The following SPATS2 variants were observed in gnomAD, a reference collection of about 807,000 sequenced individuals.
SPATS2 encodes spermatogenesis associated serine rich 2.
In SPATS2, 38 loss-of-function variants were observed where a neutral mutation model predicts 63.7. The observed-to-expected ratio is 0.60, with a 90% CI of 0.46 to 0.78. The LOEUF (loss-of-function observed/expected upper bound fraction) is 0.78, where lower values mean the gene tolerates loss of function less well. SPATS2 is among the 30% of genes least tolerant of loss of function. The probability of loss-of-function intolerance (pLI) is 0.00; values close to 1 mark genes in which losing one functional copy is unlikely to be tolerated. For synonymous variants in SPATS2, 207 were observed against 232.9 expected (o/e 0.89, Z 1.01); for missense variants, 588 against 666.2 (o/e 0.88, Z 1.29).
chr12:49,461,117 C>T, intron 3 of SPATS2, 80 bp downstream of exon 3: 1 of 1,452,732 alleles, frequency 6.9e-7, no homozygotes, highest in Non-Finnish European at 9.6e-7. Flanking sequence ...TAAAAACTGT[C>T]CTTCTAATGT....
chr12:49,389,910 C>T lies in SPATS2; in HGVS notation c.-244+18620C>T. 38 of 815,758 alleles carry T rather than the reference C, an allele frequency of 4.7e-5. No individual in the cohort carries two copies. The South Asian group carries it at 4.8e-4, about 10-fold the overall frequency. 50.5% of individuals were successfully genotyped at this position (815,758 alleles called of 1,614,324 possible). A position where few individuals can be genotyped will look rare whatever the true frequency, so the allele number is the denominator to read the frequency against. On this transcript the variant is annotated intron_variant, in intron 2 of 13. Transcript: ENST00000552918. ...AATGAAGTTAACAAAAGCAGCACTC[C>T]AAGGATACAGGCACATGTTGACCAG...
chr12:49,458,738 T>G (rs1945765837), intron 2 of SPATS2, among the ~76,000 whole-genome samples: 2 of 151,960 alleles, frequency 1.3e-5, no homozygotes, highest in African/African-American at 2.4e-5. Flanking sequence ...TCTCGTTTTT[T>G]TTTTTTTTTT....
At chr12:49,480,486 A>G (rs920664771) in intron 3 of SPATS2, among the ~76,000 whole-genome samples, 3 of 152,108 alleles carry the variant, frequency 2.0e-5, no homozygotes, top group African/African-American at 7.2e-5. Context: ...TTTTTTTTTA[A>G]TCAGTCTCTT....
chr12:49,479,612 T>C (rs1946173211), intron 3 of SPATS2, among the ~76,000 whole-genome samples: 1 of 152,172 alleles, frequency 6.6e-6, no homozygotes, highest in South Asian at 2.1e-4. Flanking sequence ...GGGGAGTTCC[T>C]GCCCCAACTC....
At chr12:49,458,517 C>G (rs985113292) in intron 2 of SPATS2, among the ~76,000 whole-genome samples, 1 of 151,482 alleles carries the variant, frequency 6.6e-6, no homozygotes, top group African/African-American at 2.4e-5. Flanking sequence ...CAGTGGCTCA[C>G]GCCTGTAATC....
intron 2 of SPATS2, among the ~76,000 whole-genome samples, chr12:49,397,892 G>A (rs1321309040): frequency 6.9e-6 from 1 of 145,228 alleles, no homozygotes; most frequent in Non-Finnish European, 1.5e-5. Flanking sequence ...GCCCACATCT[G>A]TAATCCCAGC....
chr12:49,442,451 C>G (rs11169018), intron 2 of SPATS2: 1 of 153,606 alleles, frequency 6.5e-6, no homozygotes, highest in African/African-American at 2.4e-5. Context: ...GCGTTGGAGG[C>G]TGAACCCTCC....
At chr12:49,441,736 G>A (rs2137554976) in intron 2 of SPATS2, 1 of 152,240 alleles carries the variant, frequency 6.6e-6, no homozygotes, top group Admixed American at 6.5e-5. Context: ...ACAGTTATTT[G>A]CAGTGACTTA....
At chr12:49,369,874 A>C (rs1303841633) in intron 1 of SPATS2, among the ~76,000 whole-genome samples, 1 of 152,242 alleles carries the variant, frequency 6.6e-6, no homozygotes, top group Non-Finnish European at 1.5e-5. Context: ...TCTGGAAAAC[A>C]ATTGAAAACT....
At chr12:49,437,602 G>A (rs1306844336) in intron 2 of SPATS2, among the ~76,000 whole-genome samples, 2 of 152,190 alleles carry the variant, frequency 1.3e-5, no homozygotes, top group African/African-American at 4.8e-5. Context: ...CAAGGCTGGC[G>A]GATCACTCGC....
intron 2 of SPATS2, among the ~76,000 whole-genome samples, chr12:49,409,606 T>TTTTTTTTTTTTTTTTTG (rs1944760731): frequency 6.9e-6 from 1 of 144,624 alleles, no homozygotes; most frequent in Non-Finnish European, 1.5e-5. Flanking sequence ...TTTTTTTTTT[T>TTTTTTTTTTTTTTTTTG]TTTTTTTTTT....
At chr12:49,459,684 C>T (rs1253335696) in intron 2 of SPATS2, among the ~76,000 whole-genome samples, 3 of 138,654 alleles carry the variant, frequency 2.2e-5, no homozygotes, top group Non-Finnish European at 4.5e-5. Context: ...TGCTGTTCTT[C>T]GTGCCTCTAA....
intron 2 of SPATS2, among the ~76,000 whole-genome samples, chr12:49,416,415 T>C (rs1233887799): frequency 6.6e-6 from 1 of 152,196 alleles, no homozygotes; most frequent in Middle Eastern, 3.2e-3. Flanking sequence ...GTATCTTATA[T>C]GGTGACTTGG....
At chr12:49,410,824 A>G (rs1459172030) in intron 2 of SPATS2, among the ~76,000 whole-genome samples, 1 of 150,748 alleles carries the variant, frequency 6.6e-6, no homozygotes, top group Non-Finnish European at 1.5e-5. Flanking sequence ...TCTCCACTAT[A>G]TTATATTTAG....
At chr12:49,386,084 G>T (rs986229482) in intron 2 of SPATS2, among the ~76,000 whole-genome samples, 1 of 151,788 alleles carries the variant, frequency 6.6e-6, no homozygotes, top group East Asian at 1.9e-4. Context: ...GGCCAGGCTG[G>T]TCTCAAACTC....
intron 9 of SPATS2, among the ~76,000 whole-genome samples, chr12:49,508,924 C>T (rs1946698662): frequency 6.6e-6 from 1 of 151,946 alleles, no homozygotes; most frequent in African/African-American, 2.4e-5. Context: ...ATTAGCCAGG[C>T]GTGGTGGCGT....
At chr12:49,389,979 T>C in intron 2 of SPATS2, 2 of 832,110 alleles carry the variant, frequency 2.4e-6, no homozygotes, top group Admixed American at 1.7e-5. Flanking sequence ...CCATTGAAAT[T>C]GACAAGCAAC....
chr12:49,418,341 C>T lies in SPATS2; in HGVS notation c.-243-42429C>T, dbSNP rs887533026. 3.3e-5 allele frequency among the ~76,000 whole-genome samples: 5 copies of T among 151,868 alleles called. 1 individual carries two copies. ...TGAGACAGAGTTCTGCTCTTGTCAC[C>T]CAGGCTGGAGTGCAATGGCGTGATC... On this transcript the variant is annotated intron_variant, in intron 2 of 13. Coordinates refer to ENST00000552918, the MANE Select transcript of SPATS2 (RefSeq NM_023071.4).
chr12:49,390,042 C>A, intron 2 of SPATS2: 2 of 969,304 alleles, frequency 2.1e-6, no homozygotes, highest in South Asian at 1.3e-5. Flanking sequence ...AAAACAAAGG[C>A]GTTAGAGAGA....
Sources: allele counts gnomAD v4.1 joint callset (sites outside exome capture counted in the v4.1 genomes callset), GRCh38; gene constraint gnomAD v4.1.1; transcripts MANE v1.5; gene names NCBI Gene and HGNC (gene_info 2026-07-23, HGNC 2026-07-21).